The following UNC5D variants were observed in gnomAD, a reference collection of about 807,000 sequenced individuals.
UNC5D encodes the protein netrin receptor UNC5D.
UNC5D carries 39 observed loss-of-function variants against 105.4 expected under a neutral mutation model. The observed-to-expected ratio is 0.37, with a 90% CI of 0.29 to 0.48. The LOEUF is 0.48. UNC5D is among the 20% of genes least tolerant of loss of function. UNC5D has a pLI of 0.98. For missense variants in UNC5D, 991 were observed against 1,202.4 expected (o/e 0.82, Z 2.60); for synonymous variants, 452 against 450.4 (o/e 1.00, Z -0.04).
intron 8 of UNC5D, among the ~76,000 whole-genome samples, chr8:35,718,350 C>T (rs1223031697): frequency 1.3e-5 from 2 of 152,124 alleles, no homozygotes; most frequent in Non-Finnish European, 2.9e-5. Flanking sequence ...TCACTTTGAG[C>T]AAACAAACCA....
chr8:35,430,527 A>G (rs985221943), intron 1 of UNC5D, among the ~76,000 whole-genome samples: 30 of 152,146 alleles, frequency 2.0e-4, no homozygotes, highest in African/African-American at 7.0e-4. Context: ...CACAAATGAA[A>G]CAACCTGGGG....
At chr8:35,541,795 A>AT (rs1294292362) in intron 1 of UNC5D, among the ~76,000 whole-genome samples, 1 of 152,166 alleles carries the variant, frequency 6.6e-6, no homozygotes, top group African/African-American at 2.4e-5. Context: ...TCATCTTTGA[A>AT]TCCCTAGTAC....
chr8:35,373,140 C>A (rs1802516892), intron 1 of UNC5D, among the ~76,000 whole-genome samples: 1 of 152,156 alleles, frequency 6.6e-6, no homozygotes, highest in African/African-American at 2.4e-5. Flanking sequence ...CTGTGGCTTC[C>A]TATGTAAAAA....
intron 16 of UNC5D, 104 bp from the exon 17 acceptor site, chr8:35,790,255 T>C: frequency 1.6e-6 from 2 of 1,249,960 alleles, no homozygotes; most frequent in Non-Finnish European, 2.3e-6. Flanking sequence ...CCTACTATAA[T>C]AACATCTATT....
chr8:35,253,660 G>A (rs1431414623), intron 1 of UNC5D, among the ~76,000 whole-genome samples: 1 of 151,322 alleles, frequency 6.6e-6, no homozygotes, highest in Non-Finnish European at 1.5e-5. Context: ...CTAATTTTTT[G>A]TATTTTTTTT....
At chr8:35,374,903 A>G (rs572744106) in intron 1 of UNC5D, among the ~76,000 whole-genome samples, 1 of 152,342 alleles carries the variant, frequency 6.6e-6, no homozygotes, top group South Asian at 2.1e-4. Flanking sequence ...AGCAGATCAA[A>G]TTTTCACATA....
intron 1 of UNC5D, among the ~76,000 whole-genome samples, chr8:35,271,059 T>C (rs2128833593): frequency 6.6e-6 from 1 of 151,768 alleles, no homozygotes; most frequent in South Asian, 2.1e-4. Context: ...TCATAACTGA[T>C]ATTTTAAGAG....
intron 1 of UNC5D, among the ~76,000 whole-genome samples, chr8:35,317,120 C>A (rs1228481612): frequency 1.2e-4 from 18 of 152,092 alleles, no homozygotes; most frequent in Non-Finnish European, 2.6e-4. Flanking sequence ...TCCAAGGTCC[C>A]ATAGCTAATT....
At chr8:35,377,621 T>C (rs1026677655) in intron 1 of UNC5D, among the ~76,000 whole-genome samples, 6 of 152,154 alleles carry the variant, frequency 3.9e-5, no homozygotes, top group African/African-American at 1.2e-4. Context: ...CTTTGATTCA[T>C]CTGCCCTTGT....
chr8:35,365,255 T>C (rs1158255981), intron 1 of UNC5D, among the ~76,000 whole-genome samples: 1 of 152,104 alleles, frequency 6.6e-6, no homozygotes, highest in African/African-American at 2.4e-5. Context: ...CCTCCTGTGT[T>C]TCATTTTGCA....
At chr8:35,595,434 C>T (rs1341630718) in intron 3 of UNC5D, 120 bp from the exon 4 acceptor site, 2 of 756,308 alleles carry the variant, frequency 2.6e-6, no homozygotes, top group Admixed American at 2.2e-5. Context: ...GAACAAGTGA[C>T]TTATTTTTGT....
chr8:35,344,900 A>G (rs1029872537), intron 1 of UNC5D, among the ~76,000 whole-genome samples: 1 of 152,054 alleles, frequency 6.6e-6, no homozygotes, highest in Non-Finnish European at 1.5e-5. Flanking sequence ...TTGTCATAAT[A>G]GTGTTTAATA....
At chr8:35,697,969 C>T (rs1826906182) in intron 7 of UNC5D, among the ~76,000 whole-genome samples, 1 of 152,060 alleles carries the variant, frequency 6.6e-6, no homozygotes, top group Admixed American at 6.6e-5. Flanking sequence ...TCTCAACCCC[C>T]ACCATCTTCC....
At chr8:35,397,260 A>C (rs1205564647) in intron 1 of UNC5D, among the ~76,000 whole-genome samples, 1 of 152,172 alleles carries the variant, frequency 6.6e-6, no homozygotes, top group African/African-American at 2.4e-5. Context: ...TGCTGGGCAC[A>C]TACCAACATT....
intron 1 of UNC5D, among the ~76,000 whole-genome samples, chr8:35,368,918 C>T (rs1338528324): frequency 6.6e-6 from 1 of 152,168 alleles, no homozygotes; most frequent in South Asian, 2.1e-4. Context: ...ACCATCCTAG[C>T]ACCCTAATCA....
At chr8:35,372,197 C>T (rs1802462257) in intron 1 of UNC5D, among the ~76,000 whole-genome samples, 1 of 152,086 alleles carries the variant, frequency 6.6e-6, no homozygotes, top group African/African-American at 2.4e-5. Context: ...GATCTTGGCT[C>T]ACTGCAACCT....
chr8:35,336,296 A>T (rs1811033237), intron 1 of UNC5D, among the ~76,000 whole-genome samples: 1 of 151,972 alleles, frequency 6.6e-6, no homozygotes, highest in Non-Finnish European at 1.5e-5. Context: ...ACATCATTTA[A>T]CCTCTCTACC....
chr8:35,603,718 TG>T (rs1175014591), intron 4 of UNC5D, among the ~76,000 whole-genome samples: 6 of 152,238 alleles, frequency 3.9e-5, no homozygotes, highest in Admixed American at 3.9e-4. Flanking sequence ...TTTATGAATC[TG>T]GGTGCTCCTG....
chr8:35,380,552 A>G (rs1244056467), intron 1 of UNC5D, among the ~76,000 whole-genome samples: 2 of 152,178 alleles, frequency 1.3e-5, no homozygotes, highest in Non-Finnish European at 2.9e-5. Context: ...TTTCCAAGAG[A>G]TTCCATTTAG....
Sources: allele counts gnomAD v4.1 joint callset (sites outside exome capture counted in the v4.1 genomes callset), GRCh38; gene constraint gnomAD v4.1.1; transcripts MANE v1.5; gene names NCBI Gene and HGNC (gene_info 2026-07-23, HGNC 2026-07-21).